ZNF280D: variants seen among roughly 807,000 people sequenced by gnomAD.
ZNF280D encodes the protein suppressor of hairy wing homolog 4.
A neutral mutation model predicts 94.7 loss-of-function variants in ZNF280D; 39 were observed. The observed-to-expected ratio is 0.41, with a 90% CI of 0.32 to 0.54. ZNF280D has a LOEUF of 0.54. Ranked by LOEUF, ZNF280D falls within the 20% of genes least tolerant of loss-of-function variation. ZNF280D has a pLI of 0.22. For synonymous variants in ZNF280D, 398 were observed against 377.6 expected, an observed-to-expected ratio of 1.05 and a Z score of -0.63; for missense variants, 1,090 against 1,149.3, an observed-to-expected ratio of 0.95 and a Z score of 0.75.
intron 19 of ZNF280D, chr15:56,653,086 T>C (rs2053306179): frequency 1.0e-6 from 1 of 986,032 alleles, no homozygotes; most frequent in Non-Finnish European, 1.2e-6. Flanking sequence ...GGTTAATAGA[T>C]TTTATATGTC....
chr15:56,633,471 T>TA (rs2052189063), intron 21 of ZNF280D, among the ~76,000 whole-genome samples: 1 of 151,956 alleles, frequency 6.6e-6, no homozygotes, highest in African/African-American at 2.4e-5. Flanking sequence ...ATAGTAAATA[T>TA]AAAAAATCTA....
intron 16 of ZNF280D, among the ~76,000 whole-genome samples, chr15:56,660,339 A>C (rs1789999916): frequency 6.6e-6 from 1 of 152,174 alleles, no homozygotes; most frequent in South Asian, 2.1e-4. Flanking sequence ...AAAATCTTAT[A>C]GTATAGGGTC....
chr15:56,682,599 T>G (rs1441098736), intron 9 of ZNF280D, 122 bp from the exon 10 acceptor site: 4 of 606,508 alleles, frequency 6.6e-6, no homozygotes, highest in African/African-American at 2.0e-5. Context: ...TTGTAATATA[T>G]CTAGAAAAAT....
At chr15:56,653,256 C>A (rs1487159045) in intron 19 of ZNF280D, 16 of 1,168,764 alleles carry the variant, frequency 1.4e-5, no homozygotes, top group African/African-American at 1.6e-5. Flanking sequence ...GACTAAACTT[C>A]AACTTGGATG....
intron 20 of ZNF280D, among the ~76,000 whole-genome samples, chr15:56,638,143 T>C (rs1262572180): frequency 6.6e-6 from 1 of 152,192 alleles, no homozygotes; most frequent in Admixed American, 6.5e-5. Context: ...CAGTATTCGT[T>C]TCCAGTAATA....
intron 19 of ZNF280D, chr15:56,652,635 C>T: frequency 1.0e-6 from 1 of 985,130 alleles, no homozygotes; most frequent in Non-Finnish European, 1.2e-6. Flanking sequence ...TGTTTTTTAA[C>T]ATGTTACCTT....
chr15:56,657,544 G>A (rs2053628924), intron 17 of ZNF280D, among the ~76,000 whole-genome samples: 1 of 152,008 alleles, frequency 6.6e-6, no homozygotes, highest in Non-Finnish European at 1.5e-5. Context: ...GAGAACAATG[G>A]CTAATCATAC....
Position 56,708,637 on chromosome 15 carries a change from A to G in ZNF280D, c.-85-1331T>C, listed in dbSNP as rs1212812984. Among the ~76,000 whole-genome samples, 9 of 152,334 alleles carry G rather than the reference A, an allele frequency of 5.9e-5. No homozygotes were observed. In the East Asian group the frequency reaches 1.7e-3, roughly 29 times the overall value. ...ACAAGGCTACAGTAACCAAAACAGCATGGTACTGGTACCAAAACAGAGATA... is the reference window on the plus strand; with the variant it reads ...ACAAGGCTACAGTAACCAAAACAGCGTGGTACTGGTACCAAAACAGAGATA... On this transcript the variant is annotated intron_variant, in intron 1 of 21. Transcript: ENST00000267807.
chr15:56,722,854 T>A (rs1326750033), intron 1 of ZNF280D, among the ~76,000 whole-genome samples: 4 of 151,456 alleles, frequency 2.6e-5, no homozygotes, highest in African/African-American at 4.9e-5. Flanking sequence ...ATAGACTGGA[T>A]TAAGAAAATG....
At chr15:56,704,454 T>C (rs2057278167) in intron 3 of ZNF280D, among the ~76,000 whole-genome samples, 187 bp from the exon 4 acceptor site, 2 of 152,166 alleles carry the variant, frequency 1.3e-5, no homozygotes, top group South Asian at 2.1e-4. Flanking sequence ...AAATATTAAA[T>C]AGTAAAATTT....
intron 21 of ZNF280D, among the ~76,000 whole-genome samples, 177 bp downstream of exon 21, chr15:56,635,018 G>T (rs1596316491): frequency 6.6e-6 from 1 of 151,988 alleles, no homozygotes; most frequent in East Asian, 1.9e-4. Flanking sequence ...AGGATATAGA[G>T]AATATTTTTC....
intron 19 of ZNF280D, chr15:56,645,049 C>T (rs1422918355): frequency 6.6e-6 from 1 of 152,112 alleles, no homozygotes; most frequent in Non-Finnish European, 1.5e-5. Context: ...AAAATGTACA[C>T]TCAAACTTTG....
chr15:56,719,764 C>T lies in ZNF280D; in HGVS notation c.-85-12458G>A, dbSNP rs185054880. On this transcript the variant is annotated intron_variant, in intron 1 of 21. Transcript: ENST00000267807. ...GAATATTGCAATAAAGCAAGTCACACGCATTGTTTGGTTTCTCAGTGAATA... is the reference window on the plus strand; with the variant it reads ...GAATATTGCAATAAAGCAAGTCACATGCATTGTTTGGTTTCTCAGTGAATA... 1.5e-4 allele frequency among the ~76,000 whole-genome samples: 23 copies of T among 151,690 alleles called. 1 individual carries two copies. Among genetic ancestry groups the T allele is most frequent in the Admixed American group, 1.2e-3 (18 of 15,216 alleles).
chr15:56,681,892 A>G (rs1237070677), intron 10 of ZNF280D, among the ~76,000 whole-genome samples: 2 of 152,102 alleles, frequency 1.3e-5, no homozygotes, highest in Non-Finnish European at 2.9e-5. Context: ...ACAAACACAG[A>G]GTGGTTCTTC....
chr15:56,658,315 A>T, intron 17 of ZNF280D, 109 bp downstream of exon 17: 1 of 758,998 alleles, frequency 1.3e-6, no homozygotes, highest in Non-Finnish European at 2.2e-6. Flanking sequence ...CTATAAACAC[A>T]TAAATTGTAT....
chr15:56,723,950 G>C (rs1362925609), intron 1 of ZNF280D, among the ~76,000 whole-genome samples: 1 of 152,130 alleles, frequency 6.6e-6, no homozygotes, highest in Non-Finnish European at 1.5e-5. Context: ...ACATTAGCCT[G>C]TGGTTGGGCA....
chr15:56,671,877 C>CA (rs36095249), intron 13 of ZNF280D, among the ~76,000 whole-genome samples: 72,828 of 151,692 alleles, frequency 0.48, 19,344 homozygotes, highest in East Asian at 0.6. Flanking sequence ...TAATAGTTCT[C>CA]ACTGCAGAGA....
chr15:56,709,827 G>T (rs1187713456), intron 1 of ZNF280D, among the ~76,000 whole-genome samples: 6 of 152,066 alleles, frequency 3.9e-5, no homozygotes, highest in African/African-American at 1.4e-4. Context: ...TTGGACACAG[G>T]AAGGGGAACA....
intron 1 of ZNF280D, chr15:56,729,977 G>C: frequency 6.6e-6 from 1 of 152,096 alleles, no homozygotes; most frequent in East Asian, 1.9e-4. Flanking sequence ...AAAGATATCT[G>C]CTGTATTGAA....
Sources: allele counts gnomAD v4.1 joint callset (sites outside exome capture counted in the v4.1 genomes callset), GRCh38; gene constraint gnomAD v4.1.1; transcripts MANE v1.5; gene names NCBI Gene and HGNC (gene_info 2026-07-23, HGNC 2026-07-21).